TSPAN5: variants seen among roughly 807,000 people sequenced by gnomAD.
The protein encoded by TSPAN5 is tetraspanin 5.
In TSPAN5, 10 loss-of-function variants were observed where a neutral mutation model predicts 37.1. That is an observed-to-expected ratio of 0.27 (90% CI 0.17 to 0.46). The LOEUF is 0.46. Among genes scored for constraint, TSPAN5 ranks in the 20% least tolerant of loss-of-function variants. The pLI is 1.00. For missense variants in TSPAN5, 195 were observed against 326.6 expected (o/e 0.60, Z 3.11); for synonymous variants, 110 against 118.9 (o/e 0.93, Z 0.48).
intron 1 of TSPAN5, among the ~76,000 whole-genome samples, chr4:98,653,449 A>C (rs930457414): frequency 6.6e-6 from 1 of 152,192 alleles, no homozygotes; most frequent in African/African-American, 2.4e-5. Flanking sequence ...CTTTGTAGCA[A>C]AGAAAACAGA....
chr4:98,487,711 G>A (rs1312748668), intron 2 of TSPAN5, among the ~76,000 whole-genome samples: 1 of 152,030 alleles, frequency 6.6e-6, no homozygotes, highest in Admixed American at 6.6e-5. Flanking sequence ...TACCCCCTTC[G>A]AGTTGAAATT....
At chr4:98,579,337 C>T (rs1031507697) in intron 1 of TSPAN5, among the ~76,000 whole-genome samples, 1 of 152,200 alleles carries the variant, frequency 6.6e-6, no homozygotes. Flanking sequence ...TGCCCAAGTG[C>T]AGCATTTTAC....
intron 1 of TSPAN5, among the ~76,000 whole-genome samples, chr4:98,626,413 G>A (rs1290681881): frequency 2.6e-5 from 4 of 152,198 alleles, no homozygotes; most frequent in Non-Finnish European, 2.9e-5. Context: ...GATTTTTAAG[G>A]CATAAGTCAG....
chr4:98,493,154 G>A (rs1027784171), intron 2 of TSPAN5, among the ~76,000 whole-genome samples: 12 of 152,162 alleles, frequency 7.9e-5, no homozygotes, highest in Non-Finnish European at 2.9e-5. Context: ...TCCAGCCTGG[G>A]CAACAGAGTG....
chr4:98,586,203 TTTC>T (rs1755480777), intron 1 of TSPAN5, among the ~76,000 whole-genome samples: 1 of 152,232 alleles, frequency 6.6e-6, no homozygotes, highest in South Asian at 2.1e-4. Context: ...ACACTATTAT[TTTC>T]TTCTTAAGTC....
intron 1 of TSPAN5, among the ~76,000 whole-genome samples, chr4:98,533,938 T>TAAAAAAAAAAAAAAAAAAAAAAAAAA: frequency 7.8e-5 from 1 of 12,880 alleles, no homozygotes; most frequent in Non-Finnish European, 1.2e-4. Context: ...TTTGTTGATC[T>TAAAAAAAAAAAAAAAAAAAAAAAAAA]TAAAAAAAAA....
chr4:98,536,756 G>A (rs952095766), intron 1 of TSPAN5, among the ~76,000 whole-genome samples: 4 of 152,232 alleles, frequency 2.6e-5, no homozygotes, highest in Non-Finnish European at 4.4e-5. Context: ...AGTGGGCTCT[G>A]CCCAGTTCGA....
intron 1 of TSPAN5, among the ~76,000 whole-genome samples, chr4:98,642,871 C>T (rs1196284018): frequency 6.6e-6 from 1 of 151,788 alleles, no homozygotes; most frequent in South Asian, 2.1e-4. Flanking sequence ...TACAGCTGTA[C>T]AATCTGTTAA....
chr4:98,647,041 T>C (rs1757084529), intron 1 of TSPAN5, among the ~76,000 whole-genome samples: 1 of 152,154 alleles, frequency 6.6e-6, no homozygotes, highest in African/African-American at 2.4e-5. Flanking sequence ...CTTGGGAACA[T>C]AGCTGGGTAA....
intron 1 of TSPAN5, among the ~76,000 whole-genome samples, chr4:98,609,070 A>G (rs559590916): frequency 1.3e-5 from 2 of 152,332 alleles, no homozygotes; most frequent in African/African-American, 4.8e-5. Flanking sequence ...TCAGGATTAG[A>G]CTAAGAAATC....
chr4:98,587,959 T>C (rs958854623), intron 1 of TSPAN5, among the ~76,000 whole-genome samples: 3 of 152,102 alleles, frequency 2.0e-5, no homozygotes, highest in Admixed American at 2.0e-4. Flanking sequence ...TATCCAAGTT[T>C]TCAAATAACA....
chr4:98,489,230 G>A (rs75691472), intron 2 of TSPAN5, among the ~76,000 whole-genome samples: 11 of 152,126 alleles, frequency 7.2e-5, no homozygotes, highest in Non-Finnish European at 1.5e-4. Context: ...TTCCCAGGCC[G>A]AATAAGAATT....
chr4:98,506,803 CT>C (rs1413872549), intron 2 of TSPAN5, among the ~76,000 whole-genome samples: 3 of 151,836 alleles, frequency 2.0e-5, no homozygotes. Context: ...GATAATAAAG[CT>C]TTTGTGTATA....
chr4:98,504,754 A>G (rs1297180178), intron 2 of TSPAN5, among the ~76,000 whole-genome samples: 1 of 152,176 alleles, frequency 6.6e-6, no homozygotes, highest in Non-Finnish European at 1.5e-5. Flanking sequence ...GTTGGCCAAC[A>G]TCACACAGAT....
chr4:98,601,036 G>C (rs1157973007), intron 1 of TSPAN5, among the ~76,000 whole-genome samples: 1 of 152,108 alleles, frequency 6.6e-6, no homozygotes, highest in Non-Finnish European at 1.5e-5. Context: ...TTATCACACT[G>C]GAACAGTAAT....
intron 1 of TSPAN5, among the ~76,000 whole-genome samples, chr4:98,529,936 A>T (rs1054666007): frequency 6.6e-6 from 1 of 152,092 alleles, no homozygotes; most frequent in African/African-American, 2.4e-5. Flanking sequence ...GAGTATGTTC[A>T]AGTAAAAGAA....
intron 1 of TSPAN5, among the ~76,000 whole-genome samples, chr4:98,584,932 G>A (rs1755451835): frequency 6.6e-6 from 1 of 152,106 alleles, no homozygotes; most frequent in Admixed American, 6.5e-5. Context: ...AACATTTGAG[G>A]ATACACTGTG....
At chr4:98,640,713 C>G (rs1053080951) in intron 1 of TSPAN5, among the ~76,000 whole-genome samples, 1 of 152,182 alleles carries the variant, frequency 6.6e-6, no homozygotes, top group African/African-American at 2.4e-5. Context: ...GAAACAAAGC[C>G]TGGCATTAGT....
intron 5 of TSPAN5, 116 bp downstream of exon 5, chr4:98,478,569 C>A: frequency 7.8e-7 from 1 of 1,285,786 alleles, no homozygotes; most frequent in Non-Finnish European, 1.1e-6. Flanking sequence ...ACAGGAGCTA[C>A]AAATACGAGT....
Sources: allele counts gnomAD v4.1 joint callset (sites outside exome capture counted in the v4.1 genomes callset), GRCh38; gene constraint gnomAD v4.1.1; transcripts MANE v1.5; gene names NCBI Gene and HGNC (gene_info 2026-07-23, HGNC 2026-07-21).